The following NMNAT2 variants were observed in gnomAD, a reference collection of about 807,000 sequenced individuals.
NMNAT2 encodes nicotinamide/nicotinic acid mononucleotide adenylyltransferase 2.
In NMNAT2, 11 loss-of-function variants were observed where a neutral mutation model predicts 41.6. The observed-to-expected ratio is 0.26, with a 90% CI of 0.17 to 0.44. The LOEUF (loss-of-function observed/expected upper bound fraction) is 0.44. Among genes scored for constraint, NMNAT2 ranks in the 20% least tolerant of loss-of-function variants. NMNAT2 has a pLI of 1.00. For missense variants in NMNAT2, 288 were observed against 407.7 expected (o/e 0.71, Z 2.53); for synonymous variants, 148 against 151.2 (o/e 0.98, Z 0.16).
intron 8 of NMNAT2, among the ~76,000 whole-genome samples, chr1:183,262,518 A>T (rs756425051): frequency 6.6e-6 from 1 of 152,220 alleles, no homozygotes; most frequent in Admixed American, 6.5e-5. Context: ...TTGAAAACAT[A>T]ACCTTTAATA....
intron 1 of NMNAT2, among the ~76,000 whole-genome samples, chr1:183,345,240 C>A (rs970028523): frequency 2.6e-5 from 4 of 152,276 alleles, no homozygotes; most frequent in East Asian, 3.9e-4. Flanking sequence ...CCTTCTCCCC[C>A]ACTGTGGTTG....
intron 1 of NMNAT2, among the ~76,000 whole-genome samples, chr1:183,360,254 A>C (rs1663277937): frequency 6.6e-6 from 1 of 152,178 alleles, no homozygotes; most frequent in Non-Finnish European, 1.5e-5. Context: ...TAGATGAGGA[A>C]GCCAGATTTC....
chr1:183,338,658 A>G (rs940535101), intron 1 of NMNAT2, among the ~76,000 whole-genome samples: 1 of 152,192 alleles, frequency 6.6e-6, no homozygotes, highest in Non-Finnish European at 1.5e-5. Context: ...ACTGGAACTC[A>G]GGTCTCCTGA....
rs541084544 is a variant in NMNAT2 at position 183,398,907 on chromosome 1, A to G, written c.85+19276T>C. On this transcript the variant is annotated intron_variant, in intron 1 of 10. Transcript: ENST00000287713. ...TACCAGAATCTCTGGGACACATTCA[A>G]AGCAGTGTGTAGAGGGAAATTTATA... Among the ~76,000 whole-genome samples the G allele has an allele frequency of 1.7e-4, 26 of 152,342 alleles. No homozygotes were observed. In the South Asian group the frequency reaches 5.2e-3, roughly 30 times the overall value.
At chr1:183,375,182 C>A (rs1331631544) in intron 1 of NMNAT2, among the ~76,000 whole-genome samples, 1 of 152,268 alleles carries the variant, frequency 6.6e-6, no homozygotes, top group South Asian at 2.1e-4. Context: ...ATGATCTTAC[C>A]ACCTCCCTAT....
At chr1:183,356,586 A>G (rs1489373190) in intron 1 of NMNAT2, among the ~76,000 whole-genome samples, 12 of 152,352 alleles carry the variant, frequency 7.9e-5, no homozygotes, top group East Asian at 1.9e-4. Flanking sequence ...CCATTAGAAC[A>G]CGGACCCCTG....
At chr1:183,417,275 G>A (rs1190468150) in intron 1 of NMNAT2, among the ~76,000 whole-genome samples, 1 of 151,924 alleles carries the variant, frequency 6.6e-6, no homozygotes, top group Admixed American at 6.6e-5. Context: ...GCCCCCGCTC[G>A]CTCTCTCTGA....
At chr1:183,404,341 T>C (rs1218348397) in intron 1 of NMNAT2, among the ~76,000 whole-genome samples, 1 of 152,130 alleles carries the variant, frequency 6.6e-6, no homozygotes, top group Non-Finnish European at 1.5e-5. Flanking sequence ...CCACCTGCGT[T>C]GGCCTCCCAA....
At chr1:183,345,749 C>T (rs1004154613) in intron 1 of NMNAT2, among the ~76,000 whole-genome samples, 4 of 151,038 alleles carry the variant, frequency 2.6e-5, no homozygotes, top group South Asian at 2.1e-4. Flanking sequence ...CGCAGTGGCG[C>T]GATCTCGGCT....
intron 1 of NMNAT2, among the ~76,000 whole-genome samples, chr1:183,389,440 C>T (rs1199017302): frequency 1.3e-5 from 2 of 152,070 alleles, no homozygotes; most frequent in East Asian, 3.9e-4. Context: ...TGCCTTATCT[C>T]AGTCAAATTA....
chr1:183,371,806 G>T (rs1490923402), intron 1 of NMNAT2, among the ~76,000 whole-genome samples: 1 of 151,990 alleles, frequency 6.6e-6, no homozygotes, highest in African/African-American at 2.4e-5. Flanking sequence ...TTGAAACAGG[G>T]TCTTGCTCTG....
At chr1:183,404,412 A>T (rs74129761) in intron 1 of NMNAT2, among the ~76,000 whole-genome samples, 2,551 of 152,310 alleles carry the variant, frequency 0.017, 69 homozygotes, top group African/African-American at 0.058. Context: ...TATTACACTT[A>T]GCTAGCCTGT....
chr1:183,378,776 G>T lies in NMNAT2; in HGVS notation c.85+39407C>A, dbSNP rs1413114831. Among the ~76,000 whole-genome samples, 3 of 148,428 alleles carry T rather than the reference G, an allele frequency of 2.0e-5. No individual in the cohort carries two copies. The Admixed American group carries it at 2.0e-4, about 10-fold the overall frequency. ...AAGTAGATATTGGCCAGGCGAGGTG[G>T]CTCATGCTTGTAATCCCAGCACTTT... On this transcript the variant is annotated intron_variant, in intron 1 of 10. Transcript: ENST00000287713.
At chr1:183,290,260 T>C in intron 3 of NMNAT2, 54 bp from the exon 4 acceptor site, 1 of 1,389,978 alleles carries the variant, frequency 7.2e-7, no homozygotes, top group Non-Finnish European at 9.9e-7. Context: ...ATTCTTTCCT[T>C]ATTGTTACCT....
chr1:183,347,692 A>G (rs1249928553), intron 1 of NMNAT2, among the ~76,000 whole-genome samples: 1 of 152,188 alleles, frequency 6.6e-6, no homozygotes, highest in South Asian at 2.1e-4. Flanking sequence ...AAGTGACTGC[A>G]GGAGCACTGT....
chr1:183,284,896 G>T, intron 5 of NMNAT2, 106 bp from the exon 6 acceptor site: 2 of 857,722 alleles, frequency 2.3e-6, no homozygotes, highest in Non-Finnish European at 4.0e-6. Context: ...CAGGGTGCAT[G>T]GACGGGGCAG....
chr1:183,294,546 A>C (rs1443023163), intron 1 of NMNAT2, among the ~76,000 whole-genome samples: 1 of 152,202 alleles, frequency 6.6e-6, no homozygotes, highest in Admixed American at 6.5e-5. Flanking sequence ...TAATCCCAGT[A>C]CTTTGGGAGG....
At chr1:183,314,243 T>C (rs931065823) in intron 1 of NMNAT2, among the ~76,000 whole-genome samples, 3 of 152,208 alleles carry the variant, frequency 2.0e-5, no homozygotes, top group Non-Finnish European at 4.4e-5. Flanking sequence ...CTGAACCTGC[T>C]GCATGCCCTT....
chr1:183,412,317 G>A (rs537436840), intron 1 of NMNAT2, among the ~76,000 whole-genome samples: 24 of 152,278 alleles, frequency 1.6e-4, no homozygotes, highest in African/African-American at 4.8e-4. Flanking sequence ...TCCGCCTCCC[G>A]GGTTCAAGTG....
Sources: gnomAD v4.1 joint callset for allele counts (sites outside exome capture counted in the v4.1 genomes callset) on GRCh38, gnomAD v4.1.1 for gene constraint, MANE v1.5 for transcripts, NCBI Gene and HGNC (gene_info 2026-07-23, HGNC 2026-07-21) for gene names.